CCSER1: variants seen among roughly 807,000 people sequenced by gnomAD.
The protein encoded by CCSER1 is coiled-coil serine rich protein 1, also known as serine-rich coiled-coil domain-containing protein 1.
In CCSER1, 41 loss-of-function variants were observed where a neutral mutation model predicts 82.0. The observed-to-expected ratio is 0.50, with a 90% CI of 0.39 to 0.65. The LOEUF is 0.65. CCSER1 is among the 30% of genes least tolerant of loss of function. CCSER1 has a pLI of 0.00. For missense variants in CCSER1, 1,119 were observed against 1,064.2 expected (o/e 1.05, Z -0.72); for synonymous variants, 414 against 383.9 (o/e 1.08, Z -0.92).
intron 9 of CCSER1, among the ~76,000 whole-genome samples, chr4:91,076,233 T>C (rs752892279): frequency 1.4e-4 from 15 of 108,158 alleles, no homozygotes; most frequent in Non-Finnish European, 2.3e-4. Context: ...CTGTCAATAA[T>C]CTAGTGCCTA....
chr4:90,491,216 C>G (rs563431100), intron 5 of CCSER1, among the ~76,000 whole-genome samples: 4 of 152,222 alleles, frequency 2.6e-5, no homozygotes, highest in Admixed American at 6.5e-5. Context: ...TGAAGTTCTC[C>G]TTGAAGAGGT....
intron 10 of CCSER1, among the ~76,000 whole-genome samples, chr4:91,160,758 T>G (rs13353818): frequency 0.021 from 3,125 of 151,210 alleles, 59 homozygotes; most frequent in African/African-American, 0.047. Context: ...TGTTGTTGTT[T>G]TTTTTGTAAA....
chr4:91,007,821 G>A (rs1002087023), intron 9 of CCSER1, among the ~76,000 whole-genome samples: 1 of 151,950 alleles, frequency 6.6e-6, no homozygotes, highest in Non-Finnish European at 1.5e-5. Context: ...TTCTTGAGGT[G>A]TAATGTTAAC....
chr4:90,343,832 A>G (rs1207349868), intron 3 of CCSER1, among the ~76,000 whole-genome samples: 5 of 152,166 alleles, frequency 3.3e-5, no homozygotes, highest in Non-Finnish European at 7.3e-5. Context: ...TGTAAGAATC[A>G]CATCATGGAA....
intron 9 of CCSER1, among the ~76,000 whole-genome samples, chr4:91,055,921 A>G (rs966963493): frequency 5.3e-5 from 8 of 151,580 alleles, no homozygotes; most frequent in African/African-American, 1.9e-4. Flanking sequence ...AATAATTTCA[A>G]TGGTCCTGTC....
At chr4:90,485,523 C>CT (rs1426624333) in intron 5 of CCSER1, among the ~76,000 whole-genome samples, 2 of 150,318 alleles carry the variant, frequency 1.3e-5, no homozygotes, top group South Asian at 2.1e-4. Context: ...GCTCCACCCC[C>CT]CCCCCCCAAT....
At chr4:90,804,149 C>G (rs1344773873) in intron 7 of CCSER1, among the ~76,000 whole-genome samples, 1 of 152,052 alleles carries the variant, frequency 6.6e-6, no homozygotes, top group African/African-American at 2.4e-5. Flanking sequence ...AAATTTTCTC[C>G]CATTCTGTAG....
At chr4:91,385,963 T>TACAC (rs565793280) in intron 10 of CCSER1, among the ~76,000 whole-genome samples, 1 of 151,644 alleles carries the variant, frequency 6.6e-6, no homozygotes, top group Non-Finnish European at 1.5e-5. Flanking sequence ...TATTTATACA[T>TACAC]ACACACACAC....
Position 91,126,027 on chromosome 4 carries a change from C to T in CCSER1, c.2217+40033C>T, listed in dbSNP as rs17018049. Among the ~76,000 whole-genome samples the T allele has an allele frequency of 6.5e-3, 992 of 151,560 alleles. 6 individuals carry two copies. Among genetic ancestry groups the T allele is most frequent in the African/African-American group, 0.022 (927 of 41,408 alleles). On this transcript the variant is annotated intron_variant, in intron 10 of 10. Coordinates refer to ENST00000509176, the MANE Select transcript of CCSER1 (RefSeq NM_001145065.2). Reference sequence around the variant, plus strand: ...CCAATATACGGACTCTTGATTTACACTCATTGTTATTACTCACAGGGGAAA... The same window carrying T: ...CCAATATACGGACTCTTGATTTACATTCATTGTTATTACTCACAGGGGAAA...
chr4:90,132,387 C>T (rs1295205668), intron 1 of CCSER1, among the ~76,000 whole-genome samples: 1 of 152,142 alleles, frequency 6.6e-6, no homozygotes, highest in Non-Finnish European at 1.5e-5. Context: ...ATTATCTTCC[C>T]TGTGCAAGAG....
At chr4:90,472,754 A>T (rs1401631772) in intron 5 of CCSER1, among the ~76,000 whole-genome samples, 1 of 152,182 alleles carries the variant, frequency 6.6e-6, no homozygotes, top group East Asian at 1.9e-4. Context: ...AATCATAAGC[A>T]TAGAATGCTG....
intron 10 of CCSER1, among the ~76,000 whole-genome samples, chr4:91,537,833 A>G (rs1553952149): frequency 6.6e-6 from 1 of 151,700 alleles, no homozygotes; most frequent in Non-Finnish European, 1.5e-5. Flanking sequence ...TTTTCTTTAT[A>G]TTCATCCTAT....
chr4:90,719,647 A>AT (rs144522397), intron 6 of CCSER1, among the ~76,000 whole-genome samples: 2,416 of 152,048 alleles, frequency 0.016, 69 homozygotes, highest in African/African-American at 0.055. Flanking sequence ...TTTGTCTGAT[A>AT]TTTTTCTCAT....
At chr4:90,325,193 T>C (rs1737933837) in intron 3 of CCSER1, among the ~76,000 whole-genome samples, 1 of 152,244 alleles carries the variant, frequency 6.6e-6, no homozygotes, top group Non-Finnish European at 1.5e-5. Context: ...CTCGGGGTTC[T>C]ATTCAGCCAC....
chr4:90,491,454 G>A (rs144369260), intron 5 of CCSER1, among the ~76,000 whole-genome samples: 2,452 of 152,184 alleles, frequency 0.016, 39 homozygotes, highest in African/African-American at 0.047. Flanking sequence ...CAATCATGTT[G>A]TCTGCAAACA....
chr4:90,770,472 T>C (rs1184276508), intron 7 of CCSER1, among the ~76,000 whole-genome samples: 1 of 152,220 alleles, frequency 6.6e-6, no homozygotes, highest in Non-Finnish European at 1.5e-5. Context: ...ATTTCAATAA[T>C]AACATATAGA....
At chr4:90,368,591 T>C (rs115988423) in intron 3 of CCSER1, among the ~76,000 whole-genome samples, 1 of 151,942 alleles carries the variant, frequency 6.6e-6, no homozygotes, top group African/African-American at 2.4e-5. Flanking sequence ...ATGATGGCAC[T>C]ACTGCACTTC....
intron 10 of CCSER1, among the ~76,000 whole-genome samples, chr4:91,195,333 G>A (rs1329532822): frequency 6.6e-6 from 1 of 152,204 alleles, no homozygotes; most frequent in Non-Finnish European, 1.5e-5. Context: ...GAGAGCTCCT[G>A]TTGGTAAATT....
chr4:90,575,255 A>G (rs1463202493), intron 5 of CCSER1, among the ~76,000 whole-genome samples: 4 of 152,230 alleles, frequency 2.6e-5, no homozygotes, highest in African/African-American at 9.6e-5. Flanking sequence ...GTGAAGTCCA[A>G]GAGCATGTCA....
Sources: gnomAD v4.1 joint callset for allele counts (sites outside exome capture counted in the v4.1 genomes callset) on GRCh38, gnomAD v4.1.1 for gene constraint, MANE v1.5 for transcripts, NCBI Gene and HGNC (gene_info 2026-07-23, HGNC 2026-07-21) for gene names.